Variants in ESPN observed in about 807,000 individuals in gnomAD.
The protein encoded by ESPN is espin.
ESPN carries 68 observed loss-of-function variants against 77.7 expected under a neutral mutation model. The observed-to-expected ratio is 0.87, with a 90% CI of 0.72 to 1.07. The LOEUF is 1.07. Ranked by LOEUF, ESPN falls within the 50% of genes least tolerant of loss-of-function variation. The pLI, the probability that ESPN is intolerant of heterozygous loss-of-function variation, is 0.00. For synonymous variants in ESPN, 449 were observed against 567.1 expected (o/e 0.79, Z 2.96); for missense variants, 1,060 against 1,239.0 (o/e 0.86, Z 2.17).
In ESPN at chr1:6,448,819, C is replaced by CCG; in HGVS notation, c.1651_1652dup (p.Gly552ProfsTer95). On this transcript the variant is annotated frameshift_variant, in exon 8 of 13. Transcript: ENST00000645284. LOFTEE classifies it high-confidence loss of function. ...AGCGAGGAGGTGCGTGCCCGCCAGC[C>CCG]CGCGCGCGCCGGCTGCCCGCGCCTC... 8.0e-7 allele frequency: 1 copy of CCG among 1,242,808 alleles called. No homozygotes were observed. Among genetic ancestry groups the CCG allele is most frequent in the East Asian group, 3.3e-5 (1 of 30,290 alleles). The allele number at this position is 1,242,808 out of a possible 1,614,324, so 77.0% of individuals were successfully genotyped here.
At chr1:6,445,549 GC>G in intron 6 of ESPN, 114 bp from the exon 7 acceptor site, 2 of 1,185,550 alleles carry the variant, frequency 1.7e-6, no homozygotes, top group Non-Finnish European at 2.5e-6. Flanking sequence ...ACCAAGTGGT[GC>G]CCGGAGCCCA....
Position 6,455,292 on chromosome 1 carries a change from T to C in ESPN, c.2326-1892T>C, listed in dbSNP as rs1199193734. The C allele has an allele frequency of 1.3e-5, 5 of 387,394 alleles. No homozygotes were observed. The Admixed American group carries it at 1.3e-4, about 10-fold the overall frequency. 24.0% of individuals were successfully genotyped at this position (387,394 alleles called of 1,614,324 possible). On this transcript the variant is annotated intron_variant, in intron 10 of 12. Transcript: ENST00000645284. ...GCGCAAGGAGCGCATCGTTTACCTC[T>C]TCCTGGAGCACTGGCGCCGCTGGGC...
intron 10 of ESPN, chr1:6,455,322 C>T: frequency 2.6e-6 from 1 of 386,084 alleles, no homozygotes; most frequent in Non-Finnish European, 4.6e-6. Context: ...CTGGGCCTGC[C>T]GCGGACCAGG....
chr1:6,452,900 T>TTTA (rs1320706405), intron 10 of ESPN, among the ~76,000 whole-genome samples: 4 of 141,408 alleles, frequency 2.8e-5, no homozygotes, highest in South Asian at 2.1e-4. Context: ...TATTTTTATT[T>TTTA]TTTATTTTTT....
intron 5 of ESPN, 95 bp from the exon 6 acceptor site, chr1:6,444,386 C>T (rs1643749456): frequency 7.9e-7 from 1 of 1,271,062 alleles, no homozygotes; most frequent in African/African-American, 1.5e-5. Flanking sequence ...TGGCCAAGAT[C>T]CCACAGCGAA....
chr1:6,452,201 TC>T lies in ESPN; in HGVS notation c.2325+106del, dbSNP rs1218584583. 6 of 1,288,124 alleles carry T rather than the reference TC, an allele frequency of 4.7e-6. No individual in the cohort carries two copies. In the African/African-American group the frequency reaches 7.6e-5, roughly 16 times the overall value. 79.8% of individuals were successfully genotyped at this position (1,288,124 alleles called of 1,614,324 possible). A position where few individuals can be genotyped will look rare whatever the true frequency, so the allele number is the denominator to read the frequency against. On this transcript the variant is annotated intron_variant, in intron 10 of 12. Transcript: ENST00000645284. ...CAACCTCGGGACCTCCCATTTTCTT[TC>T]TTTTTTTTTTTTCTTTTCTTGAGAC...
Position 6,460,250 on chromosome 1 carries a change from C to T in ESPN, c.*104C>T. 1 of 1,441,378 alleles carries T rather than the reference C, an allele frequency of 6.9e-7. No individual in the cohort carries two copies. Among genetic ancestry groups the T allele is most frequent in the Non-Finnish European group, 9.4e-7 (1 of 1,064,738 alleles). The allele number at this position is 1,441,378 out of a possible 1,614,324, so 89.3% of individuals were successfully genotyped here. A position where few individuals can be genotyped will look rare whatever the true frequency, so the allele number is the denominator to read the frequency against. On this transcript the variant is annotated 3_prime_UTR_variant, in exon 13 of 13. Coordinates refer to ENST00000645284, the MANE Select transcript of ESPN (RefSeq NM_031475.3). ...AAAGGCTGGGAGCCGCACAGCCCTC[C>T]CCTCCTGCGCTGGAAACCCTCCCTG...
chr1:6,440,595 C>G (rs1408286724), intron 3 of ESPN, 31 bp from the exon 4 acceptor site: 4 of 1,127,948 alleles, frequency 3.5e-6, no homozygotes, highest in Non-Finnish European at 5.0e-6. Flanking sequence ...CGCCCAGCCC[C>G]CGCCCCCCTC....
Position 6,428,372 on chromosome 1 carries a change from C to G in ESPN, c.441C>G (p.Ala147=), listed in dbSNP as rs1371793345. 6.2e-7 allele frequency: 1 copy of G among 1,612,888 alleles called. No homozygotes were observed. Among genetic ancestry groups the G allele is most frequent in the Admixed American group, 1.7e-5 (1 of 59,986 alleles). ...MGALPIHYAA[A]KGDFPSLRLL... ...CCCTGCCTATCCACTACGCTGCCGC[C>G]AAAGGAGACTTCCCCTCCCTGAGGC... is the stretch of plus-strand genomic sequence containing the variant. The change falls in exon 2 of 13, where the codon GCC becomes GCG. Residue 147 remains alanine (A), a synonymous_variant. Transcript: ENST00000645284. This position sits in a 1 kb window ranked among gnomAD's most constrained non-coding sequence, Gnocchi z 5.4.
chr1:6,446,704 G>A (rs1258453767), intron 7 of ESPN, among the ~76,000 whole-genome samples: 1 of 152,194 alleles, frequency 6.6e-6, no homozygotes, highest in East Asian at 1.9e-4. Context: ...TCTGGCCATA[G>A]GAACAGAGCA....
chr1:6,455,955 CAG>C, intron 10 of ESPN: 1 of 398,764 alleles, frequency 2.5e-6, no homozygotes, highest in Non-Finnish European at 4.4e-6. Flanking sequence ...TGCTCCATTT[CAG>C]ACGGGGGACC....
chr1:6,460,182 G>C lies in ESPN; in HGVS notation c.*36G>C, dbSNP rs762597615. The C allele has an allele frequency of 1.5e-4, 237 of 1,599,240 alleles. 1 individual carries two copies. Among genetic ancestry groups the C allele is most frequent in the Non-Finnish European group, 1.9e-4 (225 of 1,170,908 alleles). ...CTCCTGTCCGCAGCCTCGCAGCTCC[G>C]TGGGGCCCTCCGCCCCAGCCCCAGC... On this transcript the variant is annotated 3_prime_UTR_variant, in exon 13 of 13. Transcript: ENST00000645284.
rs9434774 is a variant in ESPN, at chr1:6,451,522, A to G, written c.1916-81A>G. 277,341 of 1,553,162 alleles carry G rather than the reference A, an allele frequency of 0.18. 36,011 individuals carry two copies. Among genetic ancestry groups the G allele is most frequent in the African/African-American group, 0.69 (50,539 of 73,272 alleles). On this transcript the variant is annotated intron_variant, in intron 8 of 12. Transcript: ENST00000645284. The surrounding 1 kb of genome is among the most constrained non-coding windows in gnomAD (Gnocchi z 4.3). The stretch of plus-strand genomic sequence containing the variant: ...CACCCATCCAATCTTGGCTTAGGAA[A>G]GGGGCTGCAGAGGGGCGGGTGAGGG...
intron 1 of ESPN, among the ~76,000 whole-genome samples, chr1:6,426,290 T>C (rs1643031517): frequency 6.6e-6 from 1 of 152,216 alleles, no homozygotes; most frequent in African/African-American, 2.4e-5. Flanking sequence ...GTGGGCCCTG[T>C]TACCAGGGCT....
intron 10 of ESPN, chr1:6,455,306 G>C (rs1465781437): frequency 7.8e-6 from 3 of 386,888 alleles, no homozygotes. Context: ...TGGAGCACTG[G>C]CGCCGCTGGG....
intron 6 of ESPN, 98 bp from the exon 7 acceptor site, chr1:6,445,566 C>T: frequency 7.2e-7 from 1 of 1,396,154 alleles, no homozygotes; most frequent in South Asian, 1.2e-5. Context: ...GCCCACCTTG[C>T]CCCTCGGCAA....
In ESPN at chr1:6,437,606, T is replaced by C. The variant is rs1314088306; in HGVS notation, c.489-2648T>C. On this transcript the variant is annotated intron_variant, in intron 2 of 12. Transcript: ENST00000645284. This position sits in a 1 kb window ranked among gnomAD's most constrained non-coding sequence, Gnocchi z 4.5. The stretch of plus-strand genomic sequence containing the variant: ...TAGATACGTAGCTGTGTCTTCTGTC[T>C]CCCTCATCTATGTCGACGGGACCCC... 6.6e-6 allele frequency: 1 copy of C among 152,194 alleles called. No homozygotes were observed. The highest frequency in any genetic ancestry group is 6.5e-5 in the Admixed American group (1 of 15,278). 9.4% of individuals were successfully genotyped at this position (152,194 alleles called of 1,614,324 possible). A position where few individuals can be genotyped will look rare whatever the true frequency, so the allele number is the denominator to read the frequency against.
chr1:6,438,580 C>T (rs1643515949), intron 2 of ESPN, among the ~76,000 whole-genome samples: 1 of 152,248 alleles, frequency 6.6e-6, no homozygotes, highest in Non-Finnish European at 1.5e-5. Flanking sequence ...CCTGCATGCC[C>T]ATATTGCCGG....
chr1:6,445,608 TG>T, intron 6 of ESPN, 55 bp from the exon 7 acceptor site: 1 of 1,586,854 alleles, frequency 6.3e-7, no homozygotes, highest in African/African-American at 1.3e-5. Context: ...GTCTCAGTCT[TG>T]GGGGACAGCC....
Sources: gnomAD v4.1 joint callset for allele counts (sites outside exome capture counted in the v4.1 genomes callset) on GRCh38, gnomAD v4.1.1 for gene constraint, Gnocchi (gnomAD v3.1) non-coding constraint, MANE v1.5 for transcripts, NCBI Gene and HGNC (gene_info 2026-07-23, HGNC 2026-07-21) for gene names.